The following MAP3K7CL variants were observed in gnomAD, a reference collection of about 807,000 sequenced individuals.
MAP3K7CL encodes the protein MAP3K7 C-terminal-like protein.
MAP3K7CL carries 16 observed loss-of-function variants against 18.6 expected under a neutral mutation model. That is an observed-to-expected ratio of 0.86 (90% CI 0.58 to 1.31). MAP3K7CL has a LOEUF of 1.31. Ranked by LOEUF, MAP3K7CL falls within the 50% of genes most tolerant of loss-of-function variation. The pLI is 0.00. For synonymous variants in MAP3K7CL, 65 were observed against 66.8 expected, an observed-to-expected ratio of 0.97 and a Z score of 0.13; for missense variants, 163 against 174.4, an observed-to-expected ratio of 0.93 and a Z score of 0.37.
At chr21:29,154,503 A>G (rs2087353563) in intron 3 of MAP3K7CL, among the ~76,000 whole-genome samples, 1 of 152,176 alleles carries the variant, frequency 6.6e-6, no homozygotes, top group Non-Finnish European at 1.5e-5. Flanking sequence ...CTGAACTAAC[A>G]GAGTCTGATA....
chr21:29,110,110 C>T (rs1423775893), intron 4 of MAP3K7CL, among the ~76,000 whole-genome samples: 5 of 152,126 alleles, frequency 3.3e-5, no homozygotes, highest in Admixed American at 6.6e-5. Flanking sequence ...TAACCATTCA[C>T]GTTTTTTCTT....
At chr21:29,089,668 A>C (rs1007319506) in intron 1 of MAP3K7CL, among the ~76,000 whole-genome samples, 3 of 152,228 alleles carry the variant, frequency 2.0e-5, no homozygotes, top group African/African-American at 7.2e-5. Context: ...TTAACCTCAC[A>C]AGGAAACTGT....
chr21:29,157,438 C>T (rs79260053), intron 3 of MAP3K7CL, among the ~76,000 whole-genome samples: 7 of 152,272 alleles, frequency 4.6e-5, no homozygotes, highest in Non-Finnish European at 1.0e-4. Context: ...AGTTTTATGT[C>T]AAGTTGAAGG....
At chr21:29,152,625 C>T (rs1012709207) in intron 3 of MAP3K7CL, among the ~76,000 whole-genome samples, 1 of 152,082 alleles carries the variant, frequency 6.6e-6, no homozygotes, top group Non-Finnish European at 1.5e-5. Flanking sequence ...ATTGTCAGCC[C>T]CGTTCTCTGC....
chr21:29,118,938 A>G (rs955229461), intron 4 of MAP3K7CL, among the ~76,000 whole-genome samples: 8 of 152,248 alleles, frequency 5.3e-5, no homozygotes, highest in African/African-American at 1.7e-4. Context: ...TACTTCCCAT[A>G]TTCCCCATTC....
chr21:29,165,857 G>A (rs2146748521), intron 4 of MAP3K7CL, among the ~76,000 whole-genome samples: 1 of 152,298 alleles, frequency 6.6e-6, no homozygotes, highest in Admixed American at 6.5e-5. Context: ...CCATGCGCCT[G>A]GCCAGTTTTA....
intron 1 of MAP3K7CL, among the ~76,000 whole-genome samples, chr21:29,086,520 G>A (rs945559099): frequency 6.6e-6 from 1 of 152,222 alleles, no homozygotes; most frequent in African/African-American, 2.4e-5. Flanking sequence ...ACAGCATTGA[G>A]TATTGCTCCT....
chr21:29,107,353 A>G (rs995174606), intron 4 of MAP3K7CL, among the ~76,000 whole-genome samples: 2 of 152,086 alleles, frequency 1.3e-5, no homozygotes, highest in African/African-American at 4.8e-5. Flanking sequence ...TCTGACTTAT[A>G]AAGAAAATTG....
chr21:29,091,766 G>C, intron 3 of MAP3K7CL: 1 of 702,390 alleles, frequency 1.4e-6, no homozygotes, highest in Middle Eastern at 2.3e-4. Context: ...TTACAGGTAT[G>C]AACTACTGCA....
intron 4 of MAP3K7CL, among the ~76,000 whole-genome samples, chr21:29,172,748 T>C (rs947301182): frequency 2.0e-5 from 3 of 152,132 alleles, no homozygotes; most frequent in Non-Finnish European, 4.4e-5. Flanking sequence ...TAATAAAACA[T>C]GTTTGGAGAC....
At chr21:29,156,985 T>A (rs73897265) in intron 3 of MAP3K7CL, among the ~76,000 whole-genome samples, 1 of 152,192 alleles carries the variant, frequency 6.6e-6, no homozygotes, top group East Asian at 1.9e-4. Flanking sequence ...GGGGAGAAAT[T>A]TGGGAAAGAG....
rs57220716 is a variant in MAP3K7CL at position 29,161,894 on chromosome 21, C to T, written c.248+1838C>T. Among the ~76,000 whole-genome samples the T allele has an allele frequency of 2.2e-3, 342 of 152,272 alleles. 10 individuals are homozygous for T. The East Asian group carries it at 0.06, about 27-fold the overall frequency. ...GTTAGTACCTTACAAACCCTTCCTTCCTTGCTTGGTTTGCCATGCTTCAAA... is the reference window on the plus strand; with the variant it reads ...GTTAGTACCTTACAAACCCTTCCTTTCTTGCTTGGTTTGCCATGCTTCAAA... On this transcript the variant is annotated intron_variant, in intron 4 of 4. Coordinates refer to ENST00000399928, the MANE Select transcript of MAP3K7CL (RefSeq NM_001286620.2).
chr21:29,091,965 A>G (rs2086036946), intron 3 of MAP3K7CL, among the ~76,000 whole-genome samples: 1 of 152,184 alleles, frequency 6.6e-6, no homozygotes, highest in Non-Finnish European at 1.5e-5. Flanking sequence ...GGGGAGGGCT[A>G]GGGGAGTTGT....
chr21:29,148,863 G>C (rs1275627694), intron 2 of MAP3K7CL, among the ~76,000 whole-genome samples: 5 of 152,178 alleles, frequency 3.3e-5, no homozygotes, highest in Non-Finnish European at 7.4e-5. Context: ...CCTTGTTAAA[G>C]CATTTTGTTT....
At chr21:29,118,963 G>A (rs1195763198) in intron 4 of MAP3K7CL, among the ~76,000 whole-genome samples, 2 of 152,194 alleles carry the variant, frequency 1.3e-5, no homozygotes, top group East Asian at 3.8e-4. Context: ...GGTAAACACT[G>A]TCTAGATGAT....
chr21:29,120,554 TG>T (rs1694601632), intron 4 of MAP3K7CL, among the ~76,000 whole-genome samples: 1 of 152,226 alleles, frequency 6.6e-6, no homozygotes, highest in Non-Finnish European at 1.5e-5. Flanking sequence ...ACATAGTATT[TG>T]CCCCACATAA....
At chr21:29,116,444 A>G in intron 4 of MAP3K7CL, among the ~76,000 whole-genome samples, 1 of 152,350 alleles carries the variant, frequency 6.6e-6, no homozygotes, top group East Asian at 1.9e-4. Context: ...TAACATTAGT[A>G]ACAGAATCAC....
At chr21:29,133,612 T>C (rs9636821) in intron 2 of MAP3K7CL, among the ~76,000 whole-genome samples, 198 bp downstream of exon 2, 30,092 of 152,048 alleles carry the variant, frequency 0.2, 3,182 homozygotes, top group East Asian at 0.4. Context: ...CACCTTGAGT[T>C]TTCGGGTCAT....
rs1324520808 is a variant in MAP3K7CL at position 29,104,310 on chromosome 21, C to T, written c.370+11729C>T. Reference sequence around the variant, plus strand: ...TTCAAAACTATTCTTCATTTCTCCTCTTGGCAAGAGCTGTGGTTTACATGT... The same window carrying T: ...TTCAAAACTATTCTTCATTTCTCCTTTTGGCAAGAGCTGTGGTTTACATGT... On this transcript the variant is annotated intron_variant, in intron 4 of 6. Coordinates refer to the MAP3K7CL transcript ENST00000286791. Among the ~76,000 whole-genome samples, 4 of 152,038 alleles carry T rather than the reference C, an allele frequency of 2.6e-5. No individual in the cohort carries two copies. In the East Asian group the frequency reaches 7.7e-4, roughly 29 times the overall value.
Sources: allele counts gnomAD v4.1 joint callset (sites outside exome capture counted in the v4.1 genomes callset), GRCh38; gene constraint gnomAD v4.1.1; transcripts MANE v1.5; gene names NCBI Gene and HGNC (gene_info 2026-07-23, HGNC 2026-07-21).